The following PPIG variants were observed in gnomAD, a reference collection of about 807,000 sequenced individuals.
The protein encoded by PPIG is peptidyl-prolyl cis-trans isomerase G.
In PPIG, 26 loss-of-function variants were observed where a neutral mutation model predicts 87.9. The observed-to-expected ratio is 0.30, with a 90% CI of 0.22 to 0.41. PPIG has a LOEUF of 0.41. PPIG is among the 10% of genes least tolerant of loss of function. The pLI is 1.00. For missense variants in PPIG, 722 were observed against 879.4 expected (o/e 0.82, Z 2.26); for synonymous variants, 308 against 276.5 (o/e 1.11, Z -1.13).
intron 9 of PPIG, among the ~76,000 whole-genome samples, chr2:169,628,458 A>C (rs890507854): frequency 1.3e-5 from 2 of 152,226 alleles, no homozygotes; most frequent in African/African-American, 4.8e-5. Context: ...AAGTAACTTC[A>C]GCCAGATTTT....
At position 169,596,706 on chromosome 2, in the gene PPIG, A is replaced by T. The variant is rs551793652; in HGVS notation, c.-69-6936A>T. Among the ~76,000 whole-genome samples the T allele has an allele frequency of 2.7e-5, 4 of 150,726 alleles. No individual in the cohort carries two copies. The East Asian group carries it at 7.8e-4, about 29-fold the overall frequency. On this transcript the variant is annotated intron_variant, in intron 1 of 13. Transcript: ENST00000260970. ...CCAGCACTAATATCTCTCCTGGTCCATTTTTTTTTCTGAGACGGAGTCTTA... is the reference window on the plus strand; with the variant it reads ...CCAGCACTAATATCTCTCCTGGTCCTTTTTTTTTTCTGAGACGGAGTCTTA...
At chr2:169,597,799 C>G (rs965077197) in intron 1 of PPIG, among the ~76,000 whole-genome samples, 2 of 151,952 alleles carry the variant, frequency 1.3e-5, no homozygotes, top group African/African-American at 4.8e-5. Flanking sequence ...ACGCCCAGCT[C>G]TCTCTTCTTT....
At chr2:169,627,057 A>C (rs1157644332) in intron 9 of PPIG, among the ~76,000 whole-genome samples, 4 of 152,106 alleles carry the variant, frequency 2.6e-5, no homozygotes, top group Non-Finnish European at 4.4e-5. Flanking sequence ...TGAGCAGATT[A>C]TATTCCTATA....
At chr2:169,604,337 T>G (rs1304817670) in intron 4 of PPIG, 76 bp downstream of exon 4, 24 of 1,148,432 alleles carry the variant, frequency 2.1e-5, no homozygotes, top group African/African-American at 5.1e-5. Context: ...GTTTTTTTTT[T>G]TTTTTTTTTT....
intron 9 of PPIG, among the ~76,000 whole-genome samples, chr2:169,616,737 C>T (rs1297234634): frequency 6.6e-6 from 1 of 152,012 alleles, no homozygotes; most frequent in Non-Finnish European, 1.5e-5. Flanking sequence ...TTTATAGATT[C>T]TGGATATTAG....
intron 1 of PPIG, among the ~76,000 whole-genome samples, chr2:169,586,141 G>C (rs1363524026): frequency 1.3e-5 from 2 of 151,846 alleles, no homozygotes; most frequent in African/African-American, 2.4e-5. Context: ...TTAAACAAGA[G>C]TTCATTGTAC....
At position 169,604,092 on chromosome 2, in the gene PPIG, C is replaced by T. The variant is rs1685255468; in HGVS notation, c.51C>T (p.Asn17=). ...RPRCFFDIAI[N]NQPAGRVVFE... The stretch of plus-strand genomic sequence containing the variant: ...GATGTTTTTTTGACATTGCCATTAA[C>T]AATCAACCTGGTAAGAATATTAGTT... Residue 17 remains asparagine (N), a synonymous_variant, in exon 3 of 14, where the codon AAC becomes AAT. Coordinates refer to ENST00000260970, the MANE Select transcript of PPIG (RefSeq NM_004792.3). 6 of 1,613,374 alleles carry T rather than the reference C, an allele frequency of 3.7e-6. No individual in the cohort carries two copies. Among genetic ancestry groups the T allele is most frequent in the Non-Finnish European group, 4.2e-6 (5 of 1,179,422 alleles).
Position 169,624,650 on chromosome 2 carries a change from C to T in PPIG, c.548-6124C>T, listed in dbSNP as rs148112951. 1.7e-4 allele frequency among the ~76,000 whole-genome samples: 26 copies of T among 152,230 alleles called. No homozygotes were observed. In the East Asian group the frequency reaches 4.6e-3, roughly 27 times the overall value. The stretch of plus-strand genomic sequence containing the variant: ...TCACCCAGGCTGGAGTGCAGTGGTG[C>T]GTTCTCGGCTCACTGCAAGCTCCAC... On this transcript the variant is annotated intron_variant, in intron 9 of 13. Transcript: ENST00000260970.
At chr2:169,606,683 A>G (rs1471066500) in intron 5 of PPIG, among the ~76,000 whole-genome samples, 1 of 151,704 alleles carries the variant, frequency 6.6e-6, no homozygotes, top group African/African-American at 2.4e-5. Flanking sequence ...ACAAAACAAC[A>G]CTGCATTCAT....
chr2:169,636,667 G>C lies in PPIG; in HGVS notation c.1409G>C (p.Ser470Thr), dbSNP rs763243849. ...SRSKSKEKSK[S>T]KERDSKHNRN... ...AGTAAGAGCAAAGAGAAATCAAAGA[G>C]TAAAGAAAGAGATTCAAAACATAAT... is the stretch of plus-strand genomic sequence containing the variant. The change falls in exon 14 of 14, where the codon AGT (serine) becomes ACT (threonine). Residue 470 changes from serine (S) to threonine (T), a missense_variant. Ser to Thr is a moderately conservative substitution (Grantham distance 58, BLOSUM62 1). Around this residue, in one of 4 missense-constraint regions of PPIG, gnomAD observed 476 missense variants for 483.1 expected, o/e 0.99. Transcript: ENST00000260970. 6.2e-7 allele frequency: 1 copy of C among 1,605,658 alleles called. No individual in the cohort carries two copies. The highest frequency in any genetic ancestry group is 8.5e-7 in the Non-Finnish European group (1 of 1,178,116).
At chr2:169,611,216 A>G (rs1685479753) in intron 7 of PPIG, among the ~76,000 whole-genome samples, 1 of 152,158 alleles carries the variant, frequency 6.6e-6, no homozygotes, top group Admixed American at 6.5e-5. Context: ...AACAACTTAT[A>G]ATTACCTCTT....
intron 9 of PPIG, among the ~76,000 whole-genome samples, chr2:169,620,618 A>C (rs537311761): frequency 1.3e-5 from 2 of 152,270 alleles, no homozygotes; most frequent in African/African-American, 4.8e-5. Flanking sequence ...TAAGGGAATA[A>C]ATTATTTTTT....
intron 10 of PPIG, chr2:169,631,466 T>C: frequency 1.5e-6 from 1 of 672,852 alleles, no homozygotes. Context: ...TTTACCCATG[T>C]TTTAAAGTAT....
rs772033359 is a variant in PPIG, at chr2:169,604,173, A to G, written c.62-14A>G. The G allele has an allele frequency of 2.5e-6, 4 of 1,612,568 alleles. No individual in the cohort carries two copies. The highest frequency in any genetic ancestry group is 3.4e-6 in the Non-Finnish European group (4 of 1,178,842). ...AATTAGTAAAGAAGTTTAACCAACTACCTTCTTTTTCAGCTGGAAGAGTTG... is the reference window on the plus strand; with the variant it reads ...AATTAGTAAAGAAGTTTAACCAACTGCCTTCTTTTTCAGCTGGAAGAGTTG... On this transcript the variant is annotated splice_polypyrimidine_tract_variant and intron_variant, in intron 3 of 13. Coordinates refer to ENST00000260970, the MANE Select transcript of PPIG (RefSeq NM_004792.3).
chr2:169,614,978 C>T (rs967363911), intron 9 of PPIG, among the ~76,000 whole-genome samples: 1 of 151,734 alleles, frequency 6.6e-6, no homozygotes, highest in African/African-American at 2.4e-5. Flanking sequence ...CATTTATTGC[C>T]TCACATAATT....
chr2:169,594,624 TC>T (rs1684967298), intron 1 of PPIG, among the ~76,000 whole-genome samples: 1 of 96,298 alleles, frequency 1.0e-5, no homozygotes, highest in African/African-American at 3.6e-5. Flanking sequence ...CTCTTTCTTT[TC>T]TTTTTTTTTT....
At chr2:169,607,169 A>G (rs6759667) in intron 6 of PPIG, 21 bp downstream of exon 6, 184,838 of 1,395,524 alleles carry the variant, frequency 0.13, 13,134 homozygotes, top group African/African-American at 0.2. Flanking sequence ...TTACATTTAT[A>G]TTATGTTTTA....
At chr2:169,615,370 A>G (rs13383546) in intron 9 of PPIG, among the ~76,000 whole-genome samples, 111,288 of 152,116 alleles carry the variant, frequency 0.73, 40,952 homozygotes, top group East Asian at 0.85. Flanking sequence ...AATACAGTAC[A>G]TTGTTATTAG....
intron 4 of PPIG, 69 bp downstream of exon 4, chr2:169,604,330 T>G (rs878920038): frequency 1.3e-4 from 29 of 217,514 alleles, no homozygotes; most frequent in Admixed American, 4.7e-4. Context: ...TTGCTTGGTT[T>G]TTTTTTTTTT....
Sources: gnomAD v4.1 joint callset for allele counts (sites outside exome capture counted in the v4.1 genomes callset) on GRCh38, gnomAD v4.1.1 for gene constraint, gnomAD v4.1.1 regional missense constraint, MANE v1.5 for transcripts, NCBI Gene and HGNC (gene_info 2026-07-23, HGNC 2026-07-21) for gene names.